The following COL28A1 variants were observed in gnomAD, a reference collection of about 807,000 sequenced individuals.
COL28A1 encodes collagen type XXVIII alpha 1 chain, also known as collagen alpha-1(XXVIII) chain.
A neutral mutation model predicts 150.2 loss-of-function variants in COL28A1; 161 were observed. The ratio of observed to expected loss-of-function variants is 1.07; its 90% CI spans 0.94 to 1.22. The LOEUF (loss-of-function observed/expected upper bound fraction) is 1.22. Among genes scored for constraint, COL28A1 ranks in the 50% most tolerant of loss-of-function variants. The probability of loss-of-function intolerance (pLI) is 0.00; values close to 1 mark genes in which losing one functional copy is unlikely to be tolerated. For missense variants in COL28A1, 1,617 were observed against 1,388.3 expected (o/e 1.16, Z -2.62); for synonymous variants, 552 against 469.7 (o/e 1.18, Z -2.26).
rs1258058431 is a variant in COL28A1, at chr7:7,422,054, A to T, written c.1999-2101T>A. On this transcript the variant is annotated intron_variant, in intron 25 of 34. Transcript: ENST00000399429. ...ACCTATGAAGTACTTTCAAAGGGAG[A>T]GTGTGTAAGTTCACTGCCTGAAGTT... is the stretch of plus-strand genomic sequence containing the variant. 2.6e-5 allele frequency among the ~76,000 whole-genome samples: 4 copies of T among 152,172 alleles called. No individual in the cohort carries two copies. The East Asian group carries it at 5.8e-4, about 22-fold the overall frequency.
rs371573945 is a variant in COL28A1, at chr7:7,444,425, C to A, written c.1574G>T (p.Gly525Val). ...CGAAAAACTTGGTGTTACCTTCTTC[C>A]CTGCAGCTCCATCTTCTCCTGGTAC... ...PGVPGEDGAA[G>V]KKGEAGLPGA... Residue 525 changes from glycine (G) to valine (V), a missense_variant, in exon 19 of 35, where the codon GGG (glycine) becomes GTG (valine). Gly to Val is a moderately radical substitution (Grantham distance 109, BLOSUM62 -3). Transcript: ENST00000399429. 7 of 1,613,726 alleles carry A rather than the reference C, an allele frequency of 4.3e-6. No individual in the cohort carries two copies. The African/African-American group carries it at 5.3e-5, about 12-fold the overall frequency.
At chr7:7,441,829 C>T (rs184838344) in intron 20 of COL28A1, among the ~76,000 whole-genome samples, 2 of 152,284 alleles carry the variant, frequency 1.3e-5, no homozygotes. Context: ...GAAGAGATGA[C>T]CTCCTGTAGA....
At chr7:7,463,707 A>G (rs1319098368) in intron 15 of COL28A1, among the ~76,000 whole-genome samples, 1 of 152,236 alleles carries the variant, frequency 6.6e-6, no homozygotes, top group Non-Finnish European at 1.5e-5. Context: ...AAACACATCA[A>G]AACAGAAACT....
intron 13 of COL28A1, among the ~76,000 whole-genome samples, chr7:7,482,791 T>C (rs922239538): frequency 6.6e-6 from 1 of 151,754 alleles, no homozygotes; most frequent in African/African-American, 2.4e-5. Flanking sequence ...CATGGAAGAG[T>C]CCAAAGAAGA....
At chr7:7,437,545 T>C in intron 21 of COL28A1, 83 bp from the exon 22 acceptor site, 1 of 1,494,048 alleles carries the variant, frequency 6.7e-7, no homozygotes, top group Non-Finnish European at 8.9e-7. Context: ...CAGAAATGTC[T>C]GCAGATTTTT....
chr7:7,344,639 G>A, the COL28A1 span, among the ~76,000 whole-genome samples: 4 of 152,002 alleles, frequency 2.6e-5, no homozygotes, highest in African/African-American at 9.7e-5. Flanking sequence ...TCTTTTAAAT[G>A]CATTAAGAAA....
chr7:7,399,721 C>G (rs1783059901), intron 27 of COL28A1, among the ~76,000 whole-genome samples: 1 of 152,202 alleles, frequency 6.6e-6, no homozygotes, highest in Non-Finnish European at 1.5e-5. Flanking sequence ...GTGTTTACAA[C>G]CAGATTCTCT....
chr7:7,368,913 T>G (rs1309564044), intron 33 of COL28A1, among the ~76,000 whole-genome samples: 1 of 152,222 alleles, frequency 6.6e-6, no homozygotes, highest in Non-Finnish European at 1.5e-5. Flanking sequence ...TGGCTAAAAT[T>G]CATAATGCAT....
At chr7:7,483,962 T>C (rs1447575891) in intron 13 of COL28A1, among the ~76,000 whole-genome samples, 1 of 152,102 alleles carries the variant, frequency 6.6e-6, no homozygotes, top group African/African-American at 2.4e-5. Flanking sequence ...ATTTGTGGGT[T>C]ATAAGTTAGA....
chr7:7,499,181 C>G (rs1780384031), intron 11 of COL28A1, among the ~76,000 whole-genome samples: 2 of 151,950 alleles, frequency 1.3e-5, no homozygotes, highest in Non-Finnish European at 2.9e-5. Context: ...TTAATTAGGC[C>G]CAGAACAGAA....
chr7:7,488,476 C>A (rs1339092119), intron 13 of COL28A1, among the ~76,000 whole-genome samples: 1 of 152,150 alleles, frequency 6.6e-6, no homozygotes, highest in African/African-American at 2.4e-5. Context: ...TTATTTGTAC[C>A]TAAGTGAGTC....
chr7:7,374,769 C>A (rs1781455643), intron 31 of COL28A1, among the ~76,000 whole-genome samples: 1 of 152,160 alleles, frequency 6.6e-6, no homozygotes, highest in South Asian at 2.1e-4. Context: ...CAGGCTGCTT[C>A]TTAGGCCCAG....
chr7:7,452,530 G>A lies in COL28A1; in HGVS notation c.1441-143C>T, dbSNP rs779094822. ...TATATTGCCTGAAATCCCTTCGGGGGATGGATTTGCACCAGATTTGGAATA... is the reference window on the plus strand; with the variant it reads ...TATATTGCCTGAAATCCCTTCGGGGAATGGATTTGCACCAGATTTGGAATA... On this transcript the variant is annotated intron_variant, in intron 17 of 34. Coordinates refer to ENST00000399429, the MANE Select transcript of COL28A1 (RefSeq NM_001037763.3). The A allele has an allele frequency of 6.2e-5, 78 of 1,263,968 alleles. No homozygotes were observed. In the Middle Eastern group the frequency reaches 8.2e-4, roughly 13 times the overall value. The allele number at this position is 1,263,968 out of a possible 1,614,324, so 78.3% of individuals were successfully genotyped here.
At chr7:7,472,218 T>C (rs115837250) in intron 15 of COL28A1, among the ~76,000 whole-genome samples, 3,237 of 152,032 alleles carry the variant, frequency 0.021, 86 homozygotes, top group African/African-American at 0.066. Flanking sequence ...AATCAATAAA[T>C]AGAAAGTCAA....
chr7:7,424,910 A>G (rs1014352833), intron 25 of COL28A1, among the ~76,000 whole-genome samples: 15 of 152,224 alleles, frequency 9.9e-5, no homozygotes, highest in Admixed American at 9.2e-4. Flanking sequence ...TGCAGAGTGG[A>G]TAATTTTAAC....
intron 27 of COL28A1, among the ~76,000 whole-genome samples, chr7:7,393,310 G>A (rs2128295174): frequency 6.6e-6 from 1 of 152,358 alleles, no homozygotes; most frequent in East Asian, 1.9e-4. Context: ...AGCAAAGACT[G>A]CCACCTGTTC....
chr7:7,349,355 C>T, the COL28A1 span, among the ~76,000 whole-genome samples: 1 of 152,100 alleles, frequency 6.6e-6, no homozygotes, highest in South Asian at 2.1e-4. Context: ...AGCACTATTT[C>T]TATCCCAGTA....
At chr7:7,374,250 T>C (rs1178954506) in intron 31 of COL28A1, among the ~76,000 whole-genome samples, 2 of 152,086 alleles carry the variant, frequency 1.3e-5, no homozygotes, top group Non-Finnish European at 2.9e-5. Context: ...TTGTATTTAA[T>C]CTGAATCTGA....
At chr7:7,406,201 CT>C (rs1783483457) in intron 27 of COL28A1, among the ~76,000 whole-genome samples, 1 of 152,144 alleles carries the variant, frequency 6.6e-6, no homozygotes, top group South Asian at 2.1e-4. Flanking sequence ...AAAAGAATCA[CT>C]TCACAAGTTT....
Sources: gnomAD v4.1 joint callset for allele counts (sites outside exome capture counted in the v4.1 genomes callset) on GRCh38, gnomAD v4.1.1 for gene constraint, MANE v1.5 for transcripts, NCBI Gene and HGNC (gene_info 2026-07-23, HGNC 2026-07-21) for gene names.